CACNA1C: variants seen among roughly 807,000 people sequenced by gnomAD.
The protein encoded by CACNA1C is calcium voltage-gated channel subunit alpha1 C, also known as voltage-dependent L-type calcium channel subunit alpha-1C.
CACNA1C carries 30 observed loss-of-function variants against 229.0 expected under a neutral mutation model. That is an observed-to-expected ratio of 0.13 (90% CI 0.10 to 0.18). The LOEUF is 0.18. Ranked by LOEUF, CACNA1C falls within the 10% of genes least tolerant of loss-of-function variation. The pLI is 1.00. For synonymous variants in CACNA1C, 1,114 were observed against 1,132.5 expected (o/e 0.98, Z 0.33); for missense variants, 1,658 against 2,845.0 (o/e 0.58, Z 9.49).
chr12:2,136,451 G>A (rs2093502370), intron 3 of CACNA1C, among the ~76,000 whole-genome samples: 2 of 151,458 alleles, frequency 1.3e-5, no homozygotes, highest in Non-Finnish European at 3.0e-5. Context: ...TGGCTCCCAA[G>A]TCTGTGCTTT....
intron 3 of CACNA1C, among the ~76,000 whole-genome samples, chr12:2,303,063 C>T (rs527752258): frequency 2.0e-5 from 3 of 152,346 alleles, no homozygotes; most frequent in South Asian, 2.1e-4. Context: ...GGCGGGAAAC[C>T]GGCCGTGGGA....
rs979260493 is a variant in CACNA1C, at chr12:2,215,073, G to A, written c.477+94643G>A. Among the ~76,000 whole-genome samples, 3 of 152,160 alleles carry A rather than the reference G, an allele frequency of 2.0e-5. No homozygotes were observed. The highest frequency in any genetic ancestry group is 2.9e-5 in the Non-Finnish European group (2 of 68,034). On this transcript the variant is annotated intron_variant, in intron 3 of 46. Transcript: ENST00000399655. The surrounding 1 kb of genome is among the most constrained non-coding windows in gnomAD (Gnocchi z 5.0). ...GCAGTGAGGACCTGCATTGCAGCGG[G>A]TGTGTCGGAGGGCTCAGCAAACGTG...
intron 1 of CACNA1C, among the ~76,000 whole-genome samples, chr12:2,069,672 C>A (rs2060515559): frequency 6.6e-6 from 1 of 152,196 alleles, no homozygotes; most frequent in South Asian, 2.1e-4. Context: ...TCTATTTATT[C>A]TTGTAACCTC....
chr12:2,463,163 C>T (rs1170328688), intron 5 of CACNA1C, among the ~76,000 whole-genome samples: 1 of 152,170 alleles, frequency 6.6e-6, no homozygotes, highest in African/African-American at 2.4e-5. Flanking sequence ...CCCGCCTCAG[C>T]CTCCCAAAGT....
chr12:2,333,412 G>T (rs1311374612), intron 3 of CACNA1C, among the ~76,000 whole-genome samples: 2 of 151,624 alleles, frequency 1.3e-5, no homozygotes, highest in African/African-American at 4.9e-5. Flanking sequence ...TGACTTGTCA[G>T]CCTGTTTGCT....
chr12:2,320,614 G>T (rs1276062233), intron 3 of CACNA1C, among the ~76,000 whole-genome samples: 2 of 152,228 alleles, frequency 1.3e-5, no homozygotes, highest in African/African-American at 4.8e-5. Flanking sequence ...GAAGGGGAGG[G>T]CTGGTTTCTC....
At chr12:2,082,791 G>A (rs949149916) in intron 1 of CACNA1C, among the ~76,000 whole-genome samples, 9 of 152,132 alleles carry the variant, frequency 5.9e-5, no homozygotes, top group African/African-American at 1.2e-4. Context: ...GATGTCTTGC[G>A]TTCAAGGAAT....
At chr12:2,328,485 A>T (rs900727737) in intron 3 of CACNA1C, among the ~76,000 whole-genome samples, 13 of 152,224 alleles carry the variant, frequency 8.5e-5, no homozygotes, top group African/African-American at 3.1e-4. Flanking sequence ...GGATTAGTCA[A>T]GTTTAGCTCC....
intron 3 of CACNA1C, among the ~76,000 whole-genome samples, chr12:2,154,963 G>T (rs941735255): frequency 6.6e-6 from 1 of 152,222 alleles, no homozygotes; most frequent in Non-Finnish European, 1.5e-5. Flanking sequence ...CTCTGAAAGC[G>T]GCCCATCCTG....
Position 2,067,450 on chromosome 12 carries a change from G to GT in CACNA1C, c.49+13840dup. Among the ~76,000 whole-genome samples the GT allele has an allele frequency of 3.3e-5, 1 of 30,430 alleles. No homozygotes were observed. The highest frequency in any genetic ancestry group is 6.1e-5 in the Non-Finnish European group (1 of 16,388). The allele number at this position is 30,430 out of a possible 152,430, so 20.0% of individuals were successfully genotyped here. On this transcript the variant is annotated intron_variant, in intron 1 of 46. Coordinates refer to ENST00000399655, the MANE Select transcript of CACNA1C (RefSeq NM_000719.7). The surrounding 1 kb of genome is among the most constrained non-coding windows in gnomAD (Gnocchi z 5.3). ...CTTAGGACTGTGGACTAGGATGCAC[G>GT]TGTGTGTGTGTGTGTGTGTGTGTGT...
chr12:2,606,907 C>A, intron 25 of CACNA1C, 77 bp from the exon 26 acceptor site: 1 of 1,519,552 alleles, frequency 6.6e-7, no homozygotes. Context: ...TCCCACCCAG[C>A]ATTCAAGGTC....
At chr12:2,331,575 A>G (rs2096549658) in intron 3 of CACNA1C, among the ~76,000 whole-genome samples, 1 of 152,262 alleles carries the variant, frequency 6.6e-6, no homozygotes, top group African/African-American at 2.4e-5. Context: ...TTAACAGCTT[A>G]AATAAGAATC....
At position 2,597,209 on chromosome 12, in the gene CACNA1C, C is replaced by T; in HGVS notation, c.2794-21C>T. 6.4e-7 allele frequency: 1 copy of T among 1,567,724 alleles called. No individual in the cohort carries two copies. Among genetic ancestry groups the T allele is most frequent in the Non-Finnish European group, 8.8e-7 (1 of 1,138,298 alleles). On this transcript the variant is annotated intron_variant, in intron 20 of 46. Coordinates refer to ENST00000399655, the MANE Select transcript of CACNA1C (RefSeq NM_000719.7). The surrounding 1 kb of genome is among the most constrained non-coding windows in gnomAD (Gnocchi z 4.3). ...CTCCCTTCCCCATCCCATCCCCACC[C>T]TGTTCCTTTTTGTTTTGCAGATTCT...
At chr12:2,222,446 G>A (rs192200095) in intron 3 of CACNA1C, 1 of 152,342 alleles carries the variant, frequency 6.6e-6, no homozygotes, top group Admixed American at 6.5e-5. Flanking sequence ...GGAATGAATG[G>A]TGATAACAAG....
chr12:2,207,857 G>C (rs1418611138), intron 3 of CACNA1C, among the ~76,000 whole-genome samples: 1 of 151,702 alleles, frequency 6.6e-6, no homozygotes, highest in Non-Finnish European at 1.5e-5. Context: ...TGAGAAATTG[G>C]CTAGCGTTTC....
At chr12:2,033,167 T>C (rs886550919) in intron 1 of CACNA1C, among the ~76,000 whole-genome samples, 4 of 152,138 alleles carry the variant, frequency 2.6e-5, no homozygotes, top group African/African-American at 9.7e-5. Context: ...TCTCCATTCC[T>C]TGACGTACAA....
intron 3 of CACNA1C, among the ~76,000 whole-genome samples, chr12:2,289,525 TC>T (rs1000417112): frequency 6.6e-6 from 1 of 152,066 alleles, no homozygotes; most frequent in African/African-American, 2.4e-5. Flanking sequence ...AGTCAGGAAA[TC>T]AGATTTGTAC....
chr12:2,087,622 CAAAG>C (rs2068218333), intron 1 of CACNA1C, among the ~76,000 whole-genome samples: 1 of 151,562 alleles, frequency 6.6e-6, no homozygotes, highest in Admixed American at 6.6e-5. Flanking sequence ...AGGTAAGAGA[CAAAG>C]AAAAAAATCA....
chr12:2,358,418 C>G (rs1008335956), intron 3 of CACNA1C, among the ~76,000 whole-genome samples: 35 of 152,076 alleles, frequency 2.3e-4, no homozygotes, highest in African/African-American at 6.8e-4. Flanking sequence ...TCATTACAAC[C>G]CTTTCCATTT....
Sources: allele counts gnomAD v4.1 joint callset (sites outside exome capture counted in the v4.1 genomes callset), GRCh38; gene constraint gnomAD v4.1.1; non-coding constraint Gnocchi (gnomAD v3.1); transcripts MANE v1.5; gene names NCBI Gene and HGNC (gene_info 2026-07-23, HGNC 2026-07-21).